CCDC171: variants seen among roughly 807,000 people sequenced by gnomAD.
The protein encoded by CCDC171 is coiled-coil domain-containing protein 171.
In CCDC171, 177 loss-of-function variants were observed where a neutral mutation model predicts 168.2. The ratio of observed to expected loss-of-function variants is 1.05; its 90% CI spans 0.93 to 1.19. CCDC171 has a LOEUF of 1.19. Ranked by LOEUF, CCDC171 falls within the 50% of genes most tolerant of loss-of-function variation. The pLI is 0.00. For missense variants in CCDC171, 1,991 were observed against 1,539.0 expected, an observed-to-expected ratio of 1.29 and a Z score of -4.91; for synonymous variants, 687 against 540.8, an observed-to-expected ratio of 1.27 and a Z score of -3.75.
At chr9:15,931,234 A>G (rs1316315039) in intron 25 of CCDC171, among the ~76,000 whole-genome samples, 1 of 151,768 alleles carries the variant, frequency 6.6e-6, no homozygotes, top group African/African-American at 2.4e-5. Context: ...TTTTCTCCAC[A>G]TCCTTACCAA....
At chr9:15,695,647 G>A (rs2051156708) in intron 11 of CCDC171, among the ~76,000 whole-genome samples, 1 of 152,144 alleles carries the variant, frequency 6.6e-6, no homozygotes, top group Non-Finnish European at 1.5e-5. Flanking sequence ...TACCTGCAAG[G>A]GGAACAGATG....
rs141989718 is a variant in CCDC171 at position 15,962,749 on chromosome 9, T to G, written c.3754-8860T>G. Among the ~76,000 whole-genome samples, 4 of 152,198 alleles carry G rather than the reference T, an allele frequency of 2.6e-5. No individual in the cohort carries two copies. The East Asian group carries it at 7.7e-4, about 29-fold the overall frequency. On this transcript the variant is annotated intron_variant, in intron 25 of 25. Transcript: ENST00000380701. ...AGAAAAATTTAACCTTTCAAACCTT[T>G]TTTTTCTACCCAAACTCTAATTCAG...
intron 23 of CCDC171, 76 bp downstream of exon 23, chr9:15,849,023 C>A: frequency 1.4e-6 from 1 of 707,182 alleles, no homozygotes; most frequent in Non-Finnish European, 2.3e-6. Flanking sequence ...CCACAAAGTA[C>A]TTTCATTGAT....
the CCDC171 span, among the ~76,000 whole-genome samples, chr9:16,083,305 G>A: frequency 2.6e-5 from 4 of 152,062 alleles, no homozygotes; most frequent in Non-Finnish European, 5.9e-5. Context: ...ACACAACTCA[G>A]GGAAGCAAAG....
chr9:15,778,643 CAAAAAA>C (rs527592822), intron 19 of CCDC171, among the ~76,000 whole-genome samples: 1 of 58,770 alleles, frequency 1.7e-5, no homozygotes, highest in Non-Finnish European at 2.9e-5. Context: ...AAGACTGTCT[CAAAAAA>C]AAAAAAAAAA....
chr9:15,878,174 A>G (rs1818114184), intron 24 of CCDC171, among the ~76,000 whole-genome samples: 1 of 152,192 alleles, frequency 6.6e-6, no homozygotes, highest in Admixed American at 6.5e-5. Flanking sequence ...AAAAGAAACT[A>G]TCAACAGAGT....
Position 15,640,643 on chromosome 9 carries a change from A to G in CCDC171, c.823-16484A>G, listed in dbSNP as rs77952001. Among the ~76,000 whole-genome samples, 259 of 152,266 alleles carry G rather than the reference A, an allele frequency of 1.7e-3. 7 individuals are homozygous for G. The East Asian group carries it at 0.047, about 27-fold the overall frequency. The stretch of plus-strand genomic sequence containing the variant: ...ATAAATGCTTACATTTAAAAAGCCA[A>G]CATTGAAGGTCAGACTAATTGAATA... On this transcript the variant is annotated intron_variant, in intron 7 of 25. Coordinates refer to ENST00000380701, the MANE Select transcript of CCDC171 (RefSeq NM_173550.4).
At chr9:15,645,007 G>A (rs1357318220) in intron 7 of CCDC171, among the ~76,000 whole-genome samples, 1 of 152,212 alleles carries the variant, frequency 6.6e-6, no homozygotes, top group African/African-American at 2.4e-5. Context: ...GGGGCAGACT[G>A]ATGCCTCACA....
At chr9:15,983,300 A>C (rs1831864221) in intron 3 of CCDC171, among the ~76,000 whole-genome samples, 1 of 152,196 alleles carries the variant, frequency 6.6e-6, no homozygotes, top group South Asian at 2.1e-4. Context: ...GTTGACAAGT[A>C]CATGGGAGTG....
At position 15,623,307 on chromosome 9, in the gene CCDC171, A is replaced by G; in HGVS notation, c.716A>G (p.Glu239Gly). The G allele has an allele frequency of 6.2e-7, 1 of 1,601,282 alleles. No homozygotes were observed. The highest frequency in any genetic ancestry group is 2.2e-5 in the East Asian group (1 of 44,646). Reference sequence around the variant, plus strand: ...GTGCAAAATATGCATAAGAAAGTAGAAAAATTAGAAACAGAACATATGGAC... The same window carrying G: ...GTGCAAAATATGCATAAGAAAGTAGGAAAATTAGAAACAGAACATATGGAC... Reference protein sequence around the residue: ...TAVQNMHKKVEKLETEHMDCS... With the variant: ...TAVQNMHKKVGKLETEHMDCS... The change falls in exon 7 of 26, where the codon GAA (glutamate) becomes GGA (glycine). Residue 239 changes from glutamate to glycine, a missense_variant. Coordinates refer to ENST00000380701, the MANE Select transcript of CCDC171 (RefSeq NM_173550.4).
intron 3 of CCDC171, among the ~76,000 whole-genome samples, chr9:16,008,424 C>G (rs1276285330): frequency 6.6e-6 from 1 of 152,202 alleles, no homozygotes; most frequent in East Asian, 1.9e-4. Flanking sequence ...ACATTCGTGA[C>G]TATAGAGGTT....
rs563329483 is a variant in CCDC171, at chr9:15,983,815, A to AGTGTGTGTGTGTGTGT, written n.369-36773_369-36772insTGTGTGTGTGTGTGTG. On this transcript the variant is annotated intron_variant and non_coding_transcript_variant, in intron 3 of 9. Coordinates refer to the CCDC171 transcript ENST00000486641. ...GTAGGGAGGCAAGAGCTAAATAAAG[A>AGTGTGTGTGTGTGTGT]GAGTGTGTGTGTGTGTGTGTGTGTG... Among the ~76,000 whole-genome samples the AGTGTGTGTGTGTGTGT allele has an allele frequency of 5.0e-3, 627 of 124,518 alleles. 9 individuals carry two copies. Among genetic ancestry groups the AGTGTGTGTGTGTGTGT allele is most frequent in the African/African-American group, 8.8e-3 (305 of 34,562 alleles). The allele number at this position is 124,518 out of a possible 152,430, so 81.7% of individuals were successfully genotyped here.
chr9:15,842,648 A>T (rs1443446012), intron 21 of CCDC171, among the ~76,000 whole-genome samples: 3 of 151,964 alleles, frequency 2.0e-5, no homozygotes, highest in Admixed American at 1.3e-4. Flanking sequence ...AACTCTGTGA[A>T]TACGTACTGA....
chr9:15,684,932 G>C (rs1429707226), intron 10 of CCDC171, among the ~76,000 whole-genome samples: 1 of 152,146 alleles, frequency 6.6e-6, no homozygotes, highest in Non-Finnish European at 1.5e-5. Context: ...TAGTCCGTGG[G>C]TCATGTTGGG....
At chr9:15,991,063 G>A (rs907193947) in intron 3 of CCDC171, among the ~76,000 whole-genome samples, 2 of 152,126 alleles carry the variant, frequency 1.3e-5, no homozygotes, top group Non-Finnish European at 2.9e-5. Flanking sequence ...ACTCAGTTCT[G>A]CACCAAGCAG....
chr9:16,012,590 C>T (rs964621135), intron 3 of CCDC171, among the ~76,000 whole-genome samples: 24 of 105,532 alleles, frequency 2.3e-4, no homozygotes, highest in Admixed American at 2.2e-3. Context: ...TCAAAGAATT[C>T]GTTATGGATT....
At chr9:16,061,735 C>T (rs1269750409), downstream of CCDC171, 9 of 152,138 alleles carry the variant, frequency 5.9e-5, no homozygotes, top group African/African-American at 7.2e-5. Context: ...ACAGTAACCC[C>T]ATGAAGCCAT....
At chr9:15,634,045 G>A (rs1049383454) in intron 7 of CCDC171, among the ~76,000 whole-genome samples, 3 of 151,986 alleles carry the variant, frequency 2.0e-5, no homozygotes, top group Non-Finnish European at 2.9e-5. Context: ...AGAGGGGGGC[G>A]GGATAGCTTT....
the CCDC171 span, among the ~76,000 whole-genome samples, chr9:16,100,759 T>C: frequency 6.6e-6 from 1 of 152,094 alleles, no homozygotes; most frequent in African/African-American, 2.4e-5. Flanking sequence ...CTTCTGCTGG[T>C]TCAGGGGAGT....
Sources: allele counts gnomAD v4.1 joint callset (sites outside exome capture counted in the v4.1 genomes callset), GRCh38; gene constraint gnomAD v4.1.1; transcripts MANE v1.5; gene names NCBI Gene and HGNC (gene_info 2026-07-23, HGNC 2026-07-21).